Variants in ROR1 observed in about 807,000 individuals in gnomAD.
ROR1 encodes ROR family WNT receptor 1, also known as inactive tyrosine-protein kinase transmembrane receptor ROR1.
In ROR1, 19 loss-of-function variants were observed where a neutral mutation model predicts 78.8. The observed-to-expected ratio is 0.24, with a 90% CI of 0.17 to 0.35. The LOEUF (loss-of-function observed/expected upper bound fraction) is 0.35. Ranked by LOEUF, ROR1 falls within the 10% of genes least tolerant of loss-of-function variation. ROR1 has a pLI of 1.00. For synonymous variants in ROR1, 386 were observed against 433.6 expected (o/e 0.89, Z 1.36); for missense variants, 917 against 1,177.8 (o/e 0.78, Z 3.24).
intron 1 of ROR1, among the ~76,000 whole-genome samples, chr1:63,827,904 A>G (rs893010924): frequency 6.6e-6 from 1 of 152,136 alleles, no homozygotes; most frequent in African/African-American, 2.4e-5. Context: ...AAACTTGTAA[A>G]TGTTTTTCTC....
intron 1 of ROR1, among the ~76,000 whole-genome samples, chr1:63,883,299 AC>A (rs1645335410): frequency 6.6e-6 from 1 of 152,068 alleles, no homozygotes; most frequent in South Asian, 2.1e-4. Flanking sequence ...TTTGAGCCCA[AC>A]CTTTAAGTTG....
chr1:63,847,723 A>G (rs564133488), intron 1 of ROR1, among the ~76,000 whole-genome samples: 7 of 152,368 alleles, frequency 4.6e-5, no homozygotes, highest in African/African-American at 1.7e-4. Context: ...TGTTCCTGCC[A>G]TATTAAAATA....
chr1:63,882,814 G>A (rs999722605), intron 1 of ROR1, among the ~76,000 whole-genome samples: 2 of 152,100 alleles, frequency 1.3e-5, no homozygotes, highest in African/African-American at 4.8e-5. Flanking sequence ...TGTTCATTTT[G>A]GTAAAGATGT....
intron 5 of ROR1, among the ~76,000 whole-genome samples, chr1:64,137,824 C>T (rs1023691203): frequency 5.3e-5 from 8 of 152,054 alleles, no homozygotes; most frequent in African/African-American, 1.9e-4. Flanking sequence ...ACGTCTCTGC[C>T]CTCACAGAGC....
chr1:64,069,044 A>G (rs1243069467), intron 4 of ROR1, among the ~76,000 whole-genome samples: 2 of 152,172 alleles, frequency 1.3e-5, no homozygotes, highest in Admixed American at 1.3e-4. Context: ...AAGTGGTTTT[A>G]TAGCTGTACA....
At chr1:63,842,883 T>C (rs1303897355) in intron 1 of ROR1, among the ~76,000 whole-genome samples, 2 of 151,386 alleles carry the variant, frequency 1.3e-5, no homozygotes, top group African/African-American at 4.9e-5. Flanking sequence ...ACAGGTTGGA[T>C]GTGGGGGTGT....
At chr1:63,813,447 C>T (rs940394183) in intron 1 of ROR1, among the ~76,000 whole-genome samples, 3 of 152,170 alleles carry the variant, frequency 2.0e-5, no homozygotes, top group African/African-American at 7.2e-5. Flanking sequence ...ACACATATTG[C>T]CTTCCAGTAT....
intron 2 of ROR1, among the ~76,000 whole-genome samples, chr1:64,039,305 A>G (rs536264840): frequency 2.0e-5 from 3 of 152,212 alleles, no homozygotes; most frequent in Non-Finnish European, 4.4e-5. Context: ...GCTGACTGGC[A>G]CACAAAGGGA....
intron 5 of ROR1, 103 bp from the exon 6 acceptor site, chr1:64,140,006 C>T (rs559817337): frequency 3.1e-4 from 326 of 1,057,636 alleles, no homozygotes; most frequent in South Asian, 1.2e-3. Context: ...TTCAGCACGG[C>T]GGATTCCTTG....
At chr1:64,071,564 C>A (rs994533581) in intron 4 of ROR1, among the ~76,000 whole-genome samples, 6 of 151,878 alleles carry the variant, frequency 4.0e-5, no homozygotes, top group Non-Finnish European at 8.8e-5. Flanking sequence ...CACTCCCCCC[C>A]GCCCCACCAC....
At chr1:64,098,088 C>A (rs1188480707) in intron 4 of ROR1, among the ~76,000 whole-genome samples, 5 of 152,160 alleles carry the variant, frequency 3.3e-5, no homozygotes, top group Admixed American at 3.3e-4. Context: ...TGCCACTCGA[C>A]AGGAACTTCA....
chr1:63,931,922 A>G (rs1645755737), intron 1 of ROR1, among the ~76,000 whole-genome samples: 1 of 152,192 alleles, frequency 6.6e-6, no homozygotes, highest in Non-Finnish European at 1.5e-5. Context: ...TGTATAGGGG[A>G]AAATTGTATA....
At chr1:64,034,637 A>G (rs1646686654) in intron 2 of ROR1, among the ~76,000 whole-genome samples, 1 of 152,150 alleles carries the variant, frequency 6.6e-6, no homozygotes, top group South Asian at 2.1e-4. Context: ...GATAATGACC[A>G]TTATGGTGGC....
chr1:63,878,553 C>T (rs1202822964), intron 1 of ROR1, among the ~76,000 whole-genome samples: 4 of 151,828 alleles, frequency 2.6e-5, no homozygotes, highest in East Asian at 1.9e-4. Context: ...AACTCCTTCA[C>T]GGCTGCCATT....
At chr1:63,781,106 GT>G (rs1401444802) in intron 1 of ROR1, among the ~76,000 whole-genome samples, 1 of 152,156 alleles carries the variant, frequency 6.6e-6, no homozygotes, top group East Asian at 1.9e-4. Flanking sequence ...CAGAGGTTGG[GT>G]TTGATATTTT....
chr1:63,802,349 G>A (rs753165489), intron 1 of ROR1, among the ~76,000 whole-genome samples: 1 of 152,108 alleles, frequency 6.6e-6, no homozygotes, highest in Non-Finnish European at 1.5e-5. Flanking sequence ...AGCCCTGCCC[G>A]ATCTAGTGAG....
chr1:64,084,075 A>G (rs533701433), intron 4 of ROR1, among the ~76,000 whole-genome samples: 2 of 152,356 alleles, frequency 1.3e-5, no homozygotes, highest in Admixed American at 1.3e-4. Context: ...TCAAGTGTTC[A>G]GAGAAACAAA....
chr1:63,818,463 A>G (rs2100281166), intron 1 of ROR1, among the ~76,000 whole-genome samples: 1 of 152,256 alleles, frequency 6.6e-6, no homozygotes, highest in East Asian at 1.9e-4. Context: ...TTACTTTATC[A>G]CTTGTTTCTC....
chr1:64,043,236 A>C (rs1646758653), intron 2 of ROR1, among the ~76,000 whole-genome samples: 1 of 152,230 alleles, frequency 6.6e-6, no homozygotes, highest in South Asian at 2.1e-4. Context: ...GGATTTGTGG[A>C]TGTGACATCT....
Sources: gnomAD v4.1 joint callset for allele counts (sites outside exome capture counted in the v4.1 genomes callset) on GRCh38, gnomAD v4.1.1 for gene constraint, MANE v1.5 for transcripts, NCBI Gene and HGNC (gene_info 2026-07-23, HGNC 2026-07-21) for gene names.